EFHB: variants seen among roughly 807,000 people sequenced by gnomAD.
EFHB encodes EF-hand domain-containing family member B.
In EFHB, 91 loss-of-function variants were observed where a neutral mutation model predicts 87.2. The ratio of observed to expected loss-of-function variants is 1.04; its 90% CI spans 0.88 to 1.24. EFHB has a LOEUF of 1.24. EFHB is among the 50% of genes most tolerant of loss of function. The probability of loss-of-function intolerance (pLI) is 0.00; values close to 1 mark genes in which losing one functional copy is unlikely to be tolerated. For synonymous variants in EFHB, 325 were observed against 333.6 expected (o/e 0.97, Z 0.28); for missense variants, 1,084 against 998.8 (o/e 1.09, Z -1.15).
At chr3:19,887,934 C>A (rs1233420633) in intron 10 of EFHB, among the ~76,000 whole-genome samples, 1 of 152,068 alleles carries the variant, frequency 6.6e-6, no homozygotes, top group Non-Finnish European at 1.5e-5. Context: ...TTTTGAGCTT[C>A]AGTGTAAGTT....
intron 1 of EFHB, among the ~76,000 whole-genome samples, chr3:19,932,474 G>A (rs1225785153): frequency 3.3e-5 from 5 of 152,098 alleles, no homozygotes; most frequent in South Asian, 4.2e-4. Context: ...TATGCCTCTC[G>A]AACATAGGAA....
rs148552255 is a variant in EFHB at position 19,890,476 on chromosome 3, G to A, written c.1726-1825C>T. On this transcript the variant is annotated intron_variant, in intron 9 of 12. Transcript: ENST00000295824. ...GGAAGGATGTCCGAATTCAGTTAAT[G>A]GGGTTTGGGCACAGTTTGCAGAGAA... Among the ~76,000 whole-genome samples the A allele has an allele frequency of 7.9e-3, 1,202 of 152,270 alleles. 6 individuals are homozygous for A. Among genetic ancestry groups the A allele is most frequent in the Non-Finnish European group, 0.011 (727 of 68,018 alleles).
At chr3:19,917,276 G>C (rs1382860763) in intron 4 of EFHB, among the ~76,000 whole-genome samples, 2 of 150,808 alleles carry the variant, frequency 1.3e-5, no homozygotes, top group Non-Finnish European at 3.0e-5. Flanking sequence ...ACATAAAAAG[G>C]AAAGGATATT....
intron 1 of EFHB, among the ~76,000 whole-genome samples, chr3:19,946,676 GGTTCTCTCGTGCTAGACAA>G (rs1446264009): frequency 6.6e-6 from 1 of 152,154 alleles, no homozygotes; most frequent in Non-Finnish European, 1.5e-5. Flanking sequence ...TGTGGGAGGA[GGTTCTCTCGTGCTAGACAA>G]GTTCCCTCTA....
At position 19,911,579 on chromosome 3, in the gene EFHB, A is replaced by C. The variant is rs1472112510; in HGVS notation, c.1288+3724T>G. 4.6e-5 allele frequency among the ~76,000 whole-genome samples: 7 copies of C among 151,804 alleles called. No homozygotes were observed. In the East Asian group the frequency reaches 9.7e-4, roughly 21 times the overall value. ...TTTCAAAAAACAAAAACAAAACAAC[A>C]ACAACAAACAAAAACAAAAAGAATC... is the stretch of plus-strand genomic sequence containing the variant. On this transcript the variant is annotated intron_variant, in intron 5 of 12. Coordinates refer to ENST00000295824, the MANE Select transcript of EFHB (RefSeq NM_144715.4).
At chr3:19,908,592 GAGAGAGAGAAAGAAAGAAAGAAAGAA>G (rs1694934307) in intron 5 of EFHB, among the ~76,000 whole-genome samples, 2 of 109,328 alleles carry the variant, frequency 1.8e-5, no homozygotes, top group Admixed American at 8.7e-5. Context: ...GAGAGAGAGA[GAGAGAGAGAAAGAAAGAAAGAAAGAA>G]AGAAAGAAAG....
intron 6 of EFHB, among the ~76,000 whole-genome samples, chr3:19,902,107 G>A (rs1694691501): frequency 6.6e-6 from 1 of 152,216 alleles, no homozygotes; most frequent in South Asian, 2.1e-4. Flanking sequence ...AACCATGTAT[G>A]TCAGAATATC....
chr3:19,936,147 T>C, upstream of EFHB: 1 of 1,476,772 alleles, frequency 6.8e-7, no homozygotes, highest in Non-Finnish European at 9.1e-7. Context: ...TCACCTGTAA[T>C]CTCAACACTT....
chr3:19,884,990 G>A (rs1450998496), intron 10 of EFHB, among the ~76,000 whole-genome samples: 1 of 151,916 alleles, frequency 6.6e-6, no homozygotes, highest in Non-Finnish European at 1.5e-5. Context: ...GGGAGGCTGA[G>A]GTGGACAGAT....
intron 7 of EFHB, 28 bp from the exon 8 acceptor site, chr3:19,898,873 A>T (rs375500026): frequency 6.2e-7 from 1 of 1,605,902 alleles, no homozygotes; most frequent in Admixed American, 1.7e-5. Flanking sequence ...TCCTTAGTTA[A>T]AATACCCACC....
In EFHB at chr3:19,915,273, C is replaced by T. The variant is rs1695188664; in HGVS notation, c.1288+30G>A. ...CACAAATCCGAGAGTCCCATATCCT[C>T]AGGCCCATTTTGCATCGGAGGACAC... On this transcript the variant is annotated intron_variant, in intron 5 of 12. Coordinates refer to ENST00000295824, the MANE Select transcript of EFHB (RefSeq NM_144715.4). 6 of 1,480,756 alleles carry T rather than the reference C, an allele frequency of 4.1e-6. No individual in the cohort carries two copies. The East Asian group carries it at 1.4e-4, about 34-fold the overall frequency. The allele number at this position is 1,480,756 out of a possible 1,614,324, so 91.7% of individuals were successfully genotyped here. A position where few individuals can be genotyped will look rare whatever the true frequency, so the allele number is the denominator to read the frequency against.
At chr3:19,905,001 G>A (rs1364928613) in intron 6 of EFHB, among the ~76,000 whole-genome samples, 3 of 152,184 alleles carry the variant, frequency 2.0e-5, no homozygotes, top group African/African-American at 7.2e-5. Context: ...TTCTAAGGAA[G>A]TAGTCTTTAC....
At chr3:19,928,489 T>C (rs1457094571) in intron 1 of EFHB, among the ~76,000 whole-genome samples, 2 of 152,196 alleles carry the variant, frequency 1.3e-5, no homozygotes, top group Non-Finnish European at 2.9e-5. Context: ...TCTCGCTCTG[T>C]CGCCCAGGAC....
upstream of EFHB, among the ~76,000 whole-genome samples, chr3:19,935,221 T>G (rs535823557): frequency 6.6e-6 from 1 of 152,288 alleles, no homozygotes; most frequent in South Asian, 2.1e-4. Flanking sequence ...AACTAAATAT[T>G]TTAAAGTTTG....
At chr3:19,928,559 C>T (rs1695712614) in intron 1 of EFHB, among the ~76,000 whole-genome samples, 1 of 152,178 alleles carries the variant, frequency 6.6e-6, no homozygotes, top group South Asian at 2.1e-4. Flanking sequence ...ATTCTCCTGC[C>T]TCAGCCTCCA....
At chr3:19,945,741 T>C (rs1466009178) in intron 1 of EFHB, among the ~76,000 whole-genome samples, 1 of 152,210 alleles carries the variant, frequency 6.6e-6, no homozygotes, top group Non-Finnish European at 1.5e-5. Flanking sequence ...ACAGGTATCA[T>C]TTACGTATGA....
In EFHB at chr3:19,888,472, T is replaced by C. The variant is rs1207993045; in HGVS notation, c.1905A>G (p.Lys635=). 1 of 1,564,056 alleles carries C rather than the reference T, an allele frequency of 6.4e-7. No individual in the cohort carries two copies. The part of the protein sequence containing the change: ...FLNWKDKMLL[K]EYEERVIIKG... ...TAATAATGACCCTCTCTTCATACTC[T>C]TTAAGAAGCATTTTGTCTTTCCAGT... is the stretch of plus-strand genomic sequence containing the variant. Residue 635 remains lysine (K), a synonymous_variant, in exon 10 of 13, where the codon AAA becomes AAG. Transcript: ENST00000295824.
At chr3:19,935,805 T>C (rs1210890264), upstream of EFHB, among the ~76,000 whole-genome samples, 1 of 149,314 alleles carries the variant, frequency 6.7e-6, no homozygotes, top group East Asian at 2.0e-4. Context: ...AGGTCAGGAG[T>C]TCGAGACCAT....
chr3:19,879,777 C>T lies in EFHB; in HGVS notation c.2356G>A (p.Val786Ile). Residue 786 changes from valine to isoleucine, a missense_variant, in exon 13 of 13, where the codon GTC (valine) becomes ATC (isoleucine). Transcript: ENST00000295824. ...EIAEILCNIGVKLSDEEFENV... is the reference protein window; with the variant it reads ...EIAEILCNIGIKLSDEEFENV... ...TCAAATTCTTCATCAGACAGTTTGA[C>T]ACCAATGTTACACAATATCTCTGCA... 4 of 1,605,176 alleles carry T rather than the reference C, an allele frequency of 2.5e-6. No individual in the cohort carries two copies. Among genetic ancestry groups the T allele is most frequent in the Non-Finnish European group, 3.4e-6 (4 of 1,177,362 alleles).
Sources: allele counts gnomAD v4.1 joint callset (sites outside exome capture counted in the v4.1 genomes callset), GRCh38; gene constraint gnomAD v4.1.1; transcripts MANE v1.5; gene names NCBI Gene and HGNC (gene_info 2026-07-23, HGNC 2026-07-21).